STX8: variants seen among roughly 807,000 people sequenced by gnomAD.
STX8 encodes the protein syntaxin-8.
A neutral mutation model predicts 37.5 loss-of-function variants in STX8; 23 were observed. That is an observed-to-expected ratio of 0.61 (90% CI 0.44 to 0.87). STX8 has a LOEUF of 0.87. Among genes scored for constraint, STX8 ranks in the 40% least tolerant of loss-of-function variants. The pLI, the probability that STX8 is intolerant of heterozygous loss-of-function variation, is 0.00. For synonymous variants in STX8, 115 were observed against 99.1 expected (o/e 1.16, Z -0.95); for missense variants, 313 against 284.7 (o/e 1.10, Z -0.71).
intron 6 of STX8, among the ~76,000 whole-genome samples, chr17:9,405,130 C>T (rs1306955965): frequency 6.6e-6 from 1 of 152,176 alleles, no homozygotes; most frequent in Non-Finnish European, 1.5e-5. Flanking sequence ...ATAGCTTTTT[C>T]TGTCATAACA....
chr17:9,503,965 T>C (rs922085547), intron 5 of STX8, among the ~76,000 whole-genome samples: 4 of 152,158 alleles, frequency 2.6e-5, no homozygotes, highest in East Asian at 1.9e-4. Context: ...CGTTTCACCA[T>C]GTTGGCCAGG....
At chr17:9,570,677 T>C (rs1907656345) in intron 1 of STX8, among the ~76,000 whole-genome samples, 1 of 152,128 alleles carries the variant, frequency 6.6e-6, no homozygotes. Context: ...TTTTCCTCCA[T>C]ATTATCATGA....
At chr17:9,427,536 T>G (rs1408381456) in intron 6 of STX8, among the ~76,000 whole-genome samples, 2 of 152,180 alleles carry the variant, frequency 1.3e-5, no homozygotes, top group African/African-American at 4.8e-5. Flanking sequence ...ACTAAATCCC[T>G]CTGTAACTCT....
intron 5 of STX8, among the ~76,000 whole-genome samples, chr17:9,499,032 T>C (rs1040833301): frequency 4.6e-5 from 7 of 152,120 alleles, no homozygotes; most frequent in South Asian, 4.1e-4. Context: ...AGAAGCCAAA[T>C]TGGCTAATTT....
intron 7 of STX8, among the ~76,000 whole-genome samples, chr17:9,337,920 G>T (rs1910190291): frequency 6.6e-6 from 1 of 152,102 alleles, no homozygotes; most frequent in Non-Finnish European, 1.5e-5. Context: ...ATTGAGAAAG[G>T]GTGCAGTGTG....
intron 6 of STX8, among the ~76,000 whole-genome samples, chr17:9,448,790 C>T (rs887112080): frequency 3.9e-5 from 6 of 152,056 alleles, no homozygotes; most frequent in African/African-American, 7.3e-5. Context: ...GGTGACTTTA[C>T]AGAACATGAG....
chr17:9,383,538 T>C (rs978391916), intron 6 of STX8, among the ~76,000 whole-genome samples: 1 of 152,202 alleles, frequency 6.6e-6, no homozygotes, highest in Non-Finnish European at 1.5e-5. Context: ...AGGTGGAACA[T>C]GGAACATTTT....
intron 7 of STX8, among the ~76,000 whole-genome samples, chr17:9,268,959 G>T (rs375737425): frequency 6.6e-6 from 1 of 152,056 alleles, no homozygotes; most frequent in Non-Finnish European, 1.5e-5. Context: ...AGGCTGAGGC[G>T]GGCGGATCAT....
At chr17:9,546,093 C>T (rs924705843) in intron 3 of STX8, among the ~76,000 whole-genome samples, 6 of 152,120 alleles carry the variant, frequency 3.9e-5, no homozygotes, top group Non-Finnish European at 5.9e-5. Context: ...TATTAACACA[C>T]CTAGGATATT....
At position 9,333,772 on chromosome 17, in the gene STX8, C is replaced by G. The variant is rs117999567; in HGVS notation, c.643+44780G>C. Reference sequence around the variant, plus strand: ...ACACACATGTTTTTTAAAAGTTACACAGTCATTTTGTTGGAAAACATGGAA... The same window carrying G: ...ACACACATGTTTTTTAAAAGTTACAGAGTCATTTTGTTGGAAAACATGGAA... On this transcript the variant is annotated intron_variant, in intron 7 of 7. Transcript: ENST00000306357. Among the ~76,000 whole-genome samples the G allele has an allele frequency of 3.2e-4, 49 of 152,322 alleles. No homozygotes were observed. In the East Asian group the frequency reaches 9.1e-3, roughly 28 times the overall value.
intron 6 of STX8, among the ~76,000 whole-genome samples, chr17:9,397,262 G>A (rs1425638818): frequency 1.3e-5 from 2 of 152,230 alleles, no homozygotes; most frequent in Non-Finnish European, 2.9e-5. Flanking sequence ...TGGGCGTGGT[G>A]GCGGGTGCCT....
chr17:9,291,499 G>A (rs1908311259), intron 7 of STX8, among the ~76,000 whole-genome samples: 1 of 151,214 alleles, frequency 6.6e-6, no homozygotes, highest in Non-Finnish European at 1.5e-5. Context: ...CTTCCATTGT[G>A]GTACACATCA....
intron 7 of STX8, among the ~76,000 whole-genome samples, chr17:9,333,659 G>GA (rs1910039759): frequency 6.6e-6 from 1 of 152,214 alleles, no homozygotes; most frequent in Non-Finnish European, 1.5e-5. Context: ...AAAGTGCTCG[G>GA]ATTACAGGCG....
At chr17:9,533,941 T>C (rs1905920247) in intron 4 of STX8, among the ~76,000 whole-genome samples, 1 of 152,142 alleles carries the variant, frequency 6.6e-6, no homozygotes, top group Non-Finnish European at 1.5e-5. Context: ...ACTAACCTAG[T>C]CAACCACAGC....
intron 7 of STX8, among the ~76,000 whole-genome samples, chr17:9,333,600 A>G (rs538985177): frequency 2.2e-4 from 34 of 152,270 alleles, no homozygotes; most frequent in East Asian, 9.7e-4. Context: ...TGTGTTAGCC[A>G]GGATGGTCTG....
intron 7 of STX8, among the ~76,000 whole-genome samples, chr17:9,347,519 CTTTT>C (rs781019199): frequency 1.3e-5 from 2 of 152,218 alleles, no homozygotes; most frequent in East Asian, 3.9e-4. Context: ...CCAGAACTTT[CTTTT>C]TCTTTTTTTT....
chr17:9,511,064 A>AT (rs573137881), intron 4 of STX8, among the ~76,000 whole-genome samples: 68 of 152,188 alleles, frequency 4.5e-4, no homozygotes, highest in African/African-American at 1.5e-3. Context: ...CCAAGAAGAA[A>AT]TTTTTTTAAA....
At chr17:9,553,764 CACA>C (rs980353406) in intron 3 of STX8, 2 of 152,178 alleles carry the variant, frequency 1.3e-5, no homozygotes, top group Non-Finnish European at 2.9e-5. Flanking sequence ...AGTCCAGTAA[CACA>C]ACAATTCATA....
At chr17:9,340,341 A>C (rs1910304903) in intron 7 of STX8, among the ~76,000 whole-genome samples, 1 of 152,232 alleles carries the variant, frequency 6.6e-6, no homozygotes, top group African/African-American at 2.4e-5. Flanking sequence ...TCTAATGTCG[A>C]TCTGGGAAAA....
Sources: allele counts gnomAD v4.1 joint callset (sites outside exome capture counted in the v4.1 genomes callset), GRCh38; gene constraint gnomAD v4.1.1; transcripts MANE v1.5; gene names NCBI Gene and HGNC (gene_info 2026-07-23, HGNC 2026-07-21).